CADPS: variants seen among roughly 807,000 people sequenced by gnomAD.
The protein encoded by CADPS is calcium-dependent secretion activator 1.
Under a neutral mutation model 167.3 loss-of-function variants are expected in CADPS, and 57 were observed. The observed-to-expected ratio is 0.34, with a 90% CI of 0.28 to 0.42. CADPS has a LOEUF of 0.42. Among genes scored for constraint, CADPS ranks in the 20% least tolerant of loss-of-function variants. The pLI is 1.00. For synonymous variants in CADPS, 676 were observed against 635.3 expected (o/e 1.06, Z -0.96); for missense variants, 1,414 against 1,738.1 (o/e 0.81, Z 3.32).
At chr3:62,445,647 T>G in intron 27 of CADPS, 118 bp downstream of exon 27, 1 of 635,944 alleles carries the variant, frequency 1.6e-6, no homozygotes, top group Non-Finnish European at 2.5e-6. Flanking sequence ...CAACACACAG[T>G]TTAGCTAGCA....
chr3:62,730,072 G>C (rs1159501141), intron 3 of CADPS, among the ~76,000 whole-genome samples: 1 of 151,922 alleles, frequency 6.6e-6, no homozygotes, highest in Non-Finnish European at 1.5e-5. Flanking sequence ...CAGAGTCTCT[G>C]AAGTAGACTG....
At chr3:62,748,884 T>A (rs1575807318) in intron 3 of CADPS, among the ~76,000 whole-genome samples, 1 of 152,196 alleles carries the variant, frequency 6.6e-6, no homozygotes, top group East Asian at 1.9e-4. Flanking sequence ...GTTTTTAAAT[T>A]TCTTGTAGAG....
At chr3:62,629,232 G>T (rs1365558736) in intron 6 of CADPS, among the ~76,000 whole-genome samples, 3 of 152,028 alleles carry the variant, frequency 2.0e-5, no homozygotes, top group Non-Finnish European at 4.4e-5. Context: ...TCCAATTTTA[G>T]AATATAACCA....
At chr3:62,572,031 T>G (rs1452990179) in intron 8 of CADPS, among the ~76,000 whole-genome samples, 1 of 152,224 alleles carries the variant, frequency 6.6e-6, no homozygotes, top group African/African-American at 2.4e-5. Context: ...TACCGAGTTC[T>G]AAAACTGGCT....
At chr3:62,787,936 T>C (rs1366643022) in intron 1 of CADPS, among the ~76,000 whole-genome samples, 1 of 152,206 alleles carries the variant, frequency 6.6e-6, no homozygotes, top group Non-Finnish European at 1.5e-5. Context: ...ATCCTCATCA[T>C]GAAATCAAGC....
At chr3:62,568,333 A>G (rs1393492333) in intron 9 of CADPS, among the ~76,000 whole-genome samples, 1 of 152,176 alleles carries the variant, frequency 6.6e-6, no homozygotes, top group Non-Finnish European at 1.5e-5. Context: ...GGAGAGGAAG[A>G]CCCACACGCA....
intron 28 of CADPS, among the ~76,000 whole-genome samples, chr3:62,414,143 G>A (rs959114148): frequency 3.9e-5 from 6 of 152,174 alleles, no homozygotes; most frequent in Non-Finnish European, 5.9e-5. Context: ...TAGAGGACTG[G>A]ATCCAAACAA....
At chr3:62,424,960 G>A (rs1327392436) in intron 28 of CADPS, among the ~76,000 whole-genome samples, 1 of 152,136 alleles carries the variant, frequency 6.6e-6, no homozygotes, top group Non-Finnish European at 1.5e-5. Context: ...TGGTGAATTA[G>A]GTAGACAATA....
chr3:62,516,621 G>A lies in CADPS; in HGVS notation c.2416C>T (p.Pro806Ser), dbSNP rs755988090. Reference sequence around the variant, plus strand: ...AGAGTAGCTTTCAAAGCACCTTCAGGTCGACCAAATGGAAAGCAATACCTA... The same window carrying A: ...AGAGTAGCTTTCAAAGCACCTTCAGATCGACCAAATGGAAAGCAATACCTA... ...HFRYCFPFGR[P>S]EGALKATLSL... The change falls in exon 15 of 30, where the codon CCT (proline) becomes TCT (serine). Residue 806 changes from proline to serine, a missense_variant. Transcript: ENST00000383710. 6.2e-7 allele frequency: 1 copy of A among 1,601,680 alleles called. No individual in the cohort carries two copies. Among genetic ancestry groups the A allele is most frequent in the Admixed American group, 1.7e-5 (1 of 59,562 alleles).
chr3:62,502,018 T>A (rs575670552), intron 17 of CADPS, among the ~76,000 whole-genome samples: 2 of 152,336 alleles, frequency 1.3e-5, no homozygotes, highest in African/African-American at 2.4e-5. Context: ...AGGTTAAGGA[T>A]CCTTTAATCT....
intron 4 of CADPS, among the ~76,000 whole-genome samples, chr3:62,660,654 AG>A (rs1373693766): frequency 1.3e-5 from 2 of 152,134 alleles, no homozygotes; most frequent in Non-Finnish European, 2.9e-5. Flanking sequence ...TAAAGTGAAA[AG>A]CTCTACCCTG....
intron 8 of CADPS, among the ~76,000 whole-genome samples, chr3:62,573,991 T>C (rs7628871): frequency 0.96 from 145,855 of 152,280 alleles, 70,145 homozygotes; most frequent in Non-Finnish European, 1. Flanking sequence ...AGCGATCTTT[T>C]TAAAGATTTC....
intron 28 of CADPS, among the ~76,000 whole-genome samples, chr3:62,407,923 T>C (rs2048227908): frequency 6.6e-6 from 1 of 152,044 alleles, no homozygotes; most frequent in Non-Finnish European, 1.5e-5. Context: ...TTACTAGAGA[T>C]GGGGTTTTGC....
chr3:62,734,717 A>G (rs2078639458), intron 3 of CADPS, among the ~76,000 whole-genome samples: 1 of 152,160 alleles, frequency 6.6e-6, no homozygotes, highest in South Asian at 2.1e-4. Flanking sequence ...CTACTGATAG[A>G]TATTTAGTTT....
At chr3:62,411,418 T>C (rs948615053) in intron 28 of CADPS, among the ~76,000 whole-genome samples, 5 of 152,210 alleles carry the variant, frequency 3.3e-5, no homozygotes, top group Non-Finnish European at 7.3e-5. Flanking sequence ...CATTTTGTTT[T>C]TGGTGACAAA....
intron 1 of CADPS, among the ~76,000 whole-genome samples, chr3:62,782,533 C>T (rs1050285071): frequency 1.3e-5 from 2 of 152,136 alleles, no homozygotes; most frequent in Non-Finnish European, 2.9e-5. Flanking sequence ...AATTTGGACT[C>T]ACATTTTTTC....
At chr3:62,833,691 A>G (rs2075464920) in intron 1 of CADPS, among the ~76,000 whole-genome samples, 1 of 151,960 alleles carries the variant, frequency 6.6e-6, no homozygotes, top group African/African-American at 2.4e-5. Flanking sequence ...GTGCTTTCAA[A>G]TCCTCCATTA....
intron 3 of CADPS, among the ~76,000 whole-genome samples, chr3:62,665,907 G>A (rs772744148): frequency 7.9e-5 from 12 of 152,156 alleles, no homozygotes; most frequent in Non-Finnish European, 1.6e-4. Context: ...TTAGTCCATG[G>A]CTTGGCATGC....
intron 9 of CADPS, among the ~76,000 whole-genome samples, chr3:62,566,744 C>G (rs1024149404): frequency 6.6e-6 from 1 of 152,140 alleles, no homozygotes; most frequent in African/African-American, 2.4e-5. Flanking sequence ...GATGATGGGA[C>G]TCTCACGTCA....
Sources: allele counts gnomAD v4.1 joint callset (sites outside exome capture counted in the v4.1 genomes callset), GRCh38; gene constraint gnomAD v4.1.1; transcripts MANE v1.5; gene names NCBI Gene and HGNC (gene_info 2026-07-23, HGNC 2026-07-21).